Variants in TGM6 observed in about 807,000 individuals in gnomAD.
TGM6 encodes protein-glutamine gamma-glutamyltransferase 6.
A neutral mutation model predicts 77.5 loss-of-function variants in TGM6; 74 were observed. That is an observed-to-expected ratio of 0.96 (90% CI 0.79 to 1.16). TGM6 has a LOEUF of 1.16. TGM6 is among the 50% of genes most tolerant of loss of function. The probability of loss-of-function intolerance (pLI) is 0.00; values close to 1 mark genes in which losing one functional copy is unlikely to be tolerated. For synonymous variants in TGM6, 383 were observed against 378.9 expected, an observed-to-expected ratio of 1.01 and a Z score of -0.12; for missense variants, 968 against 940.2, an observed-to-expected ratio of 1.03 and a Z score of -0.39.
At position 2,403,867 on chromosome 20, in the gene TGM6, C is replaced by T. The variant is rs769816743; in HGVS notation, c.1336+44C>T. On this transcript the variant is annotated intron_variant, in intron 9 of 12. Coordinates refer to ENST00000202625, the MANE Select transcript of TGM6 (RefSeq NM_198994.3). ...CCTTTATTACCTTCCCCCGGATGGC[C>T]CATCAGCTGCAGAGGGCCCACTGCA... 9.3e-6 allele frequency: 15 copies of T among 1,613,456 alleles called. No individual in the cohort carries two copies. In the South Asian group the frequency reaches 1.5e-4, roughly 17 times the overall value.
chr20:2,414,981 G>A (rs925118154), intron 9 of TGM6, among the ~76,000 whole-genome samples: 2 of 151,652 alleles, frequency 1.3e-5, no homozygotes, highest in Non-Finnish European at 2.9e-5. Context: ...GTGGTGACGG[G>A]GTGCACAATT....
intron 9 of TGM6, 58 bp from the exon 10 acceptor site, chr20:2,417,174 A>G: frequency 2.0e-6 from 3 of 1,495,546 alleles, no homozygotes; most frequent in East Asian, 4.9e-5. Flanking sequence ...TCCATGAGCC[A>G]TAGTAAATTA....
At chr20:2,383,867 C>T (rs766380808) in intron 1 of TGM6, among the ~76,000 whole-genome samples, 7 of 151,908 alleles carry the variant, frequency 4.6e-5, no homozygotes, top group South Asian at 2.1e-4. Flanking sequence ...TAGCACTTTG[C>T]GAGGCCAAGG....
chr20:2,429,090 G>T (rs2084907249), intron 10 of TGM6, among the ~76,000 whole-genome samples: 1 of 152,188 alleles, frequency 6.6e-6, no homozygotes, highest in South Asian at 2.1e-4. Context: ...CTCCCAAAGT[G>T]CTGGGATTAC....
rs374219808 is a variant in TGM6 at position 2,417,451 on chromosome 20, A to G, written c.1556A>G (p.Asn519Ser). 8.7e-6 allele frequency: 14 copies of G among 1,611,778 alleles called. No homozygotes were observed. The highest frequency in any genetic ancestry group is 6.7e-5 in the African/African-American group (5 of 75,010). Reference sequence around the variant, plus strand: ...CTGAGACTGGCCCTGTGCTTGGCCAACCTCACCTCCCGGGCCCAGCGGGTG... The same window carrying G: ...CTGAGACTGGCCCTGTGCTTGGCCAGCCTCACCTCCCGGGCCCAGCGGGTG... ...HDLRLALCLA[N>S]LTSRAQRVRV... Residue 519 changes from asparagine (N) to serine (S), a missense_variant, in exon 10 of 13, where the codon AAC (asparagine) becomes AGC (serine). Physicochemically the swap from Asn to Ser is conservative, Grantham distance 46. Coordinates refer to ENST00000202625, the MANE Select transcript of TGM6 (RefSeq NM_198994.3).
chr20:2,399,776 C>T (rs1488999155), intron 6 of TGM6, 38 bp downstream of exon 6: 2 of 1,564,202 alleles, frequency 1.3e-6, no homozygotes, highest in Non-Finnish European at 1.7e-6. Context: ...TACCTGTGCC[C>T]CCAGCTTCCT....
intron 10 of TGM6, among the ~76,000 whole-genome samples, chr20:2,427,600 C>A (rs546838793): frequency 6.6e-6 from 1 of 152,172 alleles, no homozygotes; most frequent in South Asian, 2.1e-4. Context: ...TTAACGTGTT[C>A]TCCTTTTTAT....
At chr20:2,393,626 C>T (rs557421914) in intron 1 of TGM6, among the ~76,000 whole-genome samples, 139 of 152,162 alleles carry the variant, frequency 9.1e-4, no homozygotes, top group African/African-American at 3.2e-3. Context: ...TTCCACCTCC[C>T]GGGTTCAAGC....
chr20:2,394,470 T>A lies in TGM6; in HGVS notation c.26T>A (p.Val9Glu), dbSNP rs1568655455. The A allele has an allele frequency of 1.2e-6, 2 of 1,611,472 alleles. No homozygotes were observed. Among genetic ancestry groups the A allele is most frequent in the Non-Finnish European group, 1.7e-6 (2 of 1,179,818 alleles). ...CACCCAGGGATCAGAGTCACCAAGG[T>A]GGACTGGCAGCGGTCGAGGAATGGC... MAGIRVTK[V>E]DWQRSRNGAA... The change falls in exon 2 of 13, where the codon GTG becomes GAG. Residue 9 changes from valine to glutamate, a missense_variant. Val to Glu is a moderately radical substitution (Grantham distance 121). Transcript: ENST00000202625.
At chr20:2,417,819 T>C (rs984082093) in intron 10 of TGM6, among the ~76,000 whole-genome samples, 1 of 152,144 alleles carries the variant, frequency 6.6e-6, no homozygotes, top group African/African-American at 2.4e-5. Flanking sequence ...CTGATGAAGA[T>C]GTGATTTATA....
At chr20:2,383,974 G>A (rs556146466) in intron 1 of TGM6, among the ~76,000 whole-genome samples, 2 of 152,126 alleles carry the variant, frequency 1.3e-5, no homozygotes, top group South Asian at 2.1e-4. Context: ...GGGCATGGTG[G>A]TGGACACCTG....
chr20:2,430,843 C>G, intron 11 of TGM6, 51 bp from the exon 12 acceptor site: 4 of 1,613,880 alleles, frequency 2.5e-6, no homozygotes, highest in Non-Finnish European at 3.4e-6. Flanking sequence ...CATCGGTTTC[C>G]TGGAGGGAGG....
chr20:2,416,966 A>ATTT (rs1386340364), intron 9 of TGM6, among the ~76,000 whole-genome samples: 1 of 152,226 alleles, frequency 6.6e-6, no homozygotes, highest in Admixed American at 6.5e-5. Flanking sequence ...CAAGTGCTAT[A>ATTT]GTACACATAG....
rs886056551 is a variant in TGM6, at chr20:2,394,539, T to G, written c.95T>G (p.Val32Gly). The G allele has an allele frequency of 6.2e-7, 1 of 1,612,024 alleles. No homozygotes were observed. Among genetic ancestry groups the G allele is most frequent in the Admixed American group, 1.7e-5 (1 of 59,998 alleles). The part of the protein sequence containing the change: ...TQEYPCPELV[V>G]RRGQSFSLTL... ...GAGTACCCCTGCCCTGAGCTGGTGG[T>G]TCGCAGGGGCCAGTCGTTCAGCCTC... The change falls in exon 2 of 13, where the codon GTT becomes GGT. Residue 32 changes from valine (V) to glycine (G), a missense_variant. Transcript: ENST00000202625.
rs1300365288 is a variant in TGM6 at position 2,432,704 on chromosome 20, G to A, written c.*61G>A. On this transcript the variant is annotated 3_prime_UTR_variant, in exon 13 of 13. Coordinates refer to ENST00000202625, the MANE Select transcript of TGM6 (RefSeq NM_198994.3). Reference sequence around the variant, plus strand: ...CCTGTCCTCCTCCTGCCCATTCTTTGTCTCTTCCACATGGGAGCCAGGAGG... The same window carrying A: ...CCTGTCCTCCTCCTGCCCATTCTTTATCTCTTCCACATGGGAGCCAGGAGG... 6.2e-7 allele frequency: 1 copy of A among 1,612,332 alleles called. No individual in the cohort carries two copies. Among genetic ancestry groups the A allele is most frequent in the Non-Finnish European group, 8.5e-7 (1 of 1,178,990 alleles).
At chr20:2,421,037 A>G (rs933085119) in intron 10 of TGM6, among the ~76,000 whole-genome samples, 2 of 151,848 alleles carry the variant, frequency 1.3e-5, no homozygotes, top group Admixed American at 6.6e-5. Flanking sequence ...ACCAGGCTAG[A>G]GTGCAGTGGT....
chr20:2,429,785 T>C (rs1599975310), intron 10 of TGM6, among the ~76,000 whole-genome samples: 1 of 148,432 alleles, frequency 6.7e-6, no homozygotes, highest in African/African-American at 2.5e-5. Context: ...AAAAAAAGAC[T>C]GAGGTTTATG....
chr20:2,422,898 TG>T (rs2084865812), intron 10 of TGM6, among the ~76,000 whole-genome samples: 1 of 148,306 alleles, frequency 6.7e-6, no homozygotes, highest in African/African-American at 2.5e-5. Flanking sequence ...TGCAGTGAGC[TG>T]AGATCCTGCC....
chr20:2,389,264 C>T (rs2084615620), intron 1 of TGM6, among the ~76,000 whole-genome samples: 1 of 152,188 alleles, frequency 6.6e-6, no homozygotes. Context: ...AACCTGTATT[C>T]AGCACCAGTT....
Sources: gnomAD v4.1 joint callset for allele counts (sites outside exome capture counted in the v4.1 genomes callset) on GRCh38, gnomAD v4.1.1 for gene constraint, MANE v1.5 for transcripts, NCBI Gene and HGNC (gene_info 2026-07-23, HGNC 2026-07-21) for gene names.